Variants in RAD52 observed in about 807,000 individuals in gnomAD.
RAD52 encodes RAD52 DNA repair protein, also known as DNA repair protein RAD52 homolog.
A neutral mutation model predicts 55.5 loss-of-function variants in RAD52; 47 were observed. The observed-to-expected ratio is 0.85, with a 90% CI of 0.67 to 1.08. RAD52 has a LOEUF of 1.08. Among genes scored for constraint, RAD52 ranks in the 50% least tolerant of loss-of-function variants. RAD52 has a pLI of 0.00. For synonymous variants in RAD52, 184 were observed against 198.9 expected (o/e 0.92, Z 0.63); for missense variants, 468 against 522.8 (o/e 0.90, Z 1.02).
intron 1 of RAD52, among the ~76,000 whole-genome samples, chr12:963,105 GA>G (rs1958710439): frequency 6.6e-6 from 1 of 152,036 alleles, no homozygotes; most frequent in Non-Finnish European, 1.5e-5. Context: ...AACAAAAGTA[GA>G]AGAGTAATTT....
chr12:917,044 C>G (rs1230790916), intron 7 of RAD52, among the ~76,000 whole-genome samples: 1 of 152,174 alleles, frequency 6.6e-6, no homozygotes, highest in Admixed American at 6.5e-5. Flanking sequence ...TGACTTAGGG[C>G]AGATGTTCTG....
chr12:926,542 T>C (rs11571448), intron 6 of RAD52, among the ~76,000 whole-genome samples: 53,971 of 151,660 alleles, frequency 0.36, 10,055 homozygotes, highest in East Asian at 0.53. Flanking sequence ...TAAATAAGCC[T>C]GGGACTCCTT....
chr12:964,123 G>A (rs1476929706), intron 1 of RAD52, among the ~76,000 whole-genome samples: 1 of 152,164 alleles, frequency 6.6e-6, no homozygotes, highest in Non-Finnish European at 1.5e-5. Context: ...TTCAGACAAG[G>A]CATTTAGGCG....
At chr12:925,366 T>C (rs1473762635) in intron 7 of RAD52, 84 bp downstream of exon 7, 1 of 1,188,282 alleles carries the variant, frequency 8.4e-7, no homozygotes, top group African/African-American at 1.5e-5. Flanking sequence ...TCACTTTTTC[T>C]CCTTGCATCC....
intron 7 of RAD52, among the ~76,000 whole-genome samples, chr12:917,770 C>CAAAAAAAAA (rs71055103): frequency 1.9e-5 from 2 of 107,348 alleles, no homozygotes; most frequent in African/African-American, 3.8e-5. Flanking sequence ...ACTAAAAATA[C>CAAAAAAAAA]AAAAAAAAAA....
chr12:948,832 G>A (rs544666016), intron 1 of RAD52, among the ~76,000 whole-genome samples: 14 of 152,028 alleles, frequency 9.2e-5, no homozygotes, highest in South Asian at 2.1e-4. Context: ...CCCGAGTAGC[G>A]GGGATTACAG....
chr12:957,156 A>G (rs879528635), intron 1 of RAD52, among the ~76,000 whole-genome samples: 1 of 152,168 alleles, frequency 6.6e-6, no homozygotes, highest in Non-Finnish European at 1.5e-5. Context: ...ATTTTCACTT[A>G]TTAAGAATTA....
upstream of RAD52, among the ~76,000 whole-genome samples, chr12:951,246 G>A (rs1958520972): frequency 6.6e-6 from 1 of 152,034 alleles, no homozygotes; most frequent in African/African-American, 2.4e-5. Context: ...CCAGGTAGCT[G>A]GGACTACAAG....
intron 1 of RAD52, among the ~76,000 whole-genome samples, chr12:959,026 C>T (rs754240773): frequency 3.3e-5 from 5 of 152,040 alleles, no homozygotes; most frequent in African/African-American, 4.8e-5. Flanking sequence ...GCTGTCACTC[C>T]GCCCACCAGA....
intron 5 of RAD52, among the ~76,000 whole-genome samples, chr12:928,310 C>A (rs1957149568): frequency 6.6e-6 from 1 of 152,014 alleles, no homozygotes. Context: ...TTGTGAGTTC[C>A]AGACCAGCCT....
At chr12:943,343 G>A (rs980538694) in intron 1 of RAD52, among the ~76,000 whole-genome samples, 15 of 152,150 alleles carry the variant, frequency 9.9e-5, no homozygotes, top group African/African-American at 3.6e-4. Context: ...CCCAGGCCTG[G>A]AGCCCTACTG....
chr12:936,101 C>G (rs1377862082), intron 1 of RAD52, among the ~76,000 whole-genome samples: 1 of 151,410 alleles, frequency 6.6e-6, no homozygotes, highest in Non-Finnish European at 1.5e-5. Context: ...GTCAGGAGTT[C>G]AAGACGAGCC....
chr12:931,368 C>A, intron 2 of RAD52, 47 bp from the exon 3 acceptor site: 2 of 1,388,942 alleles, frequency 1.4e-6, no homozygotes, highest in East Asian at 2.4e-5. Flanking sequence ...CACCATTCCT[C>A]ACATCATTGA....
At chr12:958,104 C>T (rs1218534025) in intron 1 of RAD52, among the ~76,000 whole-genome samples, 1 of 152,234 alleles carries the variant, frequency 6.6e-6, no homozygotes, top group Non-Finnish European at 1.5e-5. Flanking sequence ...CTGGGAGGAA[C>T]ATGGGGCTCC....
At chr12:947,744 C>T (rs1046620859) in intron 1 of RAD52, among the ~76,000 whole-genome samples, 6 of 151,864 alleles carry the variant, frequency 4.0e-5, no homozygotes, top group East Asian at 3.9e-4. Flanking sequence ...AAAAATTAGC[C>T]GGGCATAGTG....
chr12:935,605 A>G (rs6489768), intron 1 of RAD52, among the ~76,000 whole-genome samples: 149,351 of 151,852 alleles, frequency 0.98, 73,488 homozygotes, highest in East Asian at 1. Flanking sequence ...TGTAATCCCA[A>G]CACTTCGGGA....
At chr12:964,912 G>A (rs1958736623) in intron 1 of RAD52, among the ~76,000 whole-genome samples, 1 of 151,792 alleles carries the variant, frequency 6.6e-6, no homozygotes, top group South Asian at 2.1e-4. Context: ...CAATATTTTG[G>A]ATACACTTCT....
intron 9 of RAD52, among the ~76,000 whole-genome samples, chr12:914,835 A>G (rs1956271165): frequency 6.6e-6 from 1 of 151,804 alleles, no homozygotes; most frequent in Non-Finnish European, 1.5e-5. Flanking sequence ...GCTTGTTAAC[A>G]GCCATAACCC....
At chr12:943,132 C>A (rs1958005267) in intron 1 of RAD52, among the ~76,000 whole-genome samples, 1 of 152,218 alleles carries the variant, frequency 6.6e-6, no homozygotes, top group Non-Finnish European at 1.5e-5. Flanking sequence ...TGACACACCA[C>A]ACCCATCAGA....
Sources: allele counts gnomAD v4.1 joint callset (sites outside exome capture counted in the v4.1 genomes callset), GRCh38; gene constraint gnomAD v4.1.1; transcripts MANE v1.5; gene names NCBI Gene and HGNC (gene_info 2026-07-23, HGNC 2026-07-21).